Variants in SGK3 observed in about 807,000 individuals in gnomAD.
The protein encoded by SGK3 is serine/threonine-protein kinase Sgk3.
In SGK3, 47 loss-of-function variants were observed where a neutral mutation model predicts 68.5. The observed-to-expected ratio is 0.69, with a 90% CI of 0.54 to 0.87. The LOEUF is 0.87. SGK3 is among the 40% of genes least tolerant of loss of function. The pLI, the probability that SGK3 is intolerant of heterozygous loss-of-function variation, is 0.00. For missense variants in SGK3, 479 were observed against 575.5 expected (o/e 0.83, Z 1.72); for synonymous variants, 181 against 189.1 (o/e 0.96, Z 0.35).
intron 5 of SGK3, among the ~76,000 whole-genome samples, chr8:66,818,430 A>G (rs1808682564): frequency 6.6e-6 from 1 of 152,198 alleles, no homozygotes; most frequent in Non-Finnish European, 1.5e-5. Flanking sequence ...GCATCATAAC[A>G]AAGAGAAAAG....
intron 1 of SGK3, among the ~76,000 whole-genome samples, chr8:66,743,554 A>G (rs1026007113): frequency 6.6e-6 from 1 of 152,158 alleles, no homozygotes; most frequent in African/African-American, 2.4e-5. Flanking sequence ...TTTGAGATGG[A>G]GTTTTGCTCT....
At chr8:66,806,280 T>G (rs897279732) in intron 4 of SGK3, among the ~76,000 whole-genome samples, 2 of 152,200 alleles carry the variant, frequency 1.3e-5, no homozygotes, top group African/African-American at 4.8e-5. Flanking sequence ...TTTCTGAAGG[T>G]GCAGACTTAT....
chr8:66,758,913 G>A lies in SGK3; in HGVS notation c.-121-34703G>A, dbSNP rs1806067478. Among the ~76,000 whole-genome samples the A allele has an allele frequency of 3.9e-5, 6 of 152,136 alleles. No homozygotes were observed. In the South Asian group the frequency reaches 1.2e-3, roughly 32 times the overall value. ...GTACAGACATAACAGATTTACACCA[G>A]CTTAAAGCAACAAAAATTTATTCTG... On this transcript the variant is annotated intron_variant, in intron 1 of 16. Coordinates refer to ENST00000521198, the MANE Select transcript of SGK3 (RefSeq NM_001033578.3).
At chr8:66,850,718 T>C in intron 15 of SGK3, 113 bp from the exon 16 acceptor site, 4 of 962,118 alleles carry the variant, frequency 4.2e-6, no homozygotes, top group Non-Finnish European at 6.1e-6. Flanking sequence ...CACATGTTCC[T>C]AAAAAGAGTT....
At chr8:66,839,960 C>T in intron 10 of SGK3, 43 bp from the exon 11 acceptor site, 1 of 1,551,104 alleles carries the variant, frequency 6.4e-7, no homozygotes, top group Non-Finnish European at 8.9e-7. Flanking sequence ...TGTGAATGAT[C>T]CTAACATTCT....
In SGK3 at chr8:66,767,665, A is replaced by C. The variant is rs138533416; in HGVS notation, c.-121-25951A>C. 4.1e-4 allele frequency: 574 copies of C among 1,397,576 alleles called. 11 individuals are homozygous for C. The East Asian group carries it at 0.013, about 32-fold the overall frequency. 86.6% of individuals were successfully genotyped at this position (1,397,576 alleles called of 1,614,324 possible). ...AGGATTGAAGGGAAATAATTTTTCT[A>C]TTTCTGGATAGCCATCATCTGAGGC... On this transcript the variant is annotated intron_variant, in intron 1 of 16. Transcript: ENST00000521198.
intron 16 of SGK3, among the ~76,000 whole-genome samples, chr8:66,852,266 C>G (rs1434828995): frequency 7.0e-6 from 1 of 142,790 alleles, no homozygotes; most frequent in East Asian, 2.1e-4. Flanking sequence ...TGCTGCAAAA[C>G]TTAAGGAATC....
At chr8:66,839,558 T>TATA (rs57094416) in intron 10 of SGK3, among the ~76,000 whole-genome samples, 2 of 98,120 alleles carry the variant, frequency 2.0e-5, no homozygotes, top group Non-Finnish European at 3.8e-5. Flanking sequence ...TATATATATA[T>TATA]TTTCATATGG....
rs1240849789 is a variant in SGK3, at chr8:66,712,822, C to T, written c.-133C>T. On this transcript the variant is annotated 5_prime_UTR_variant, in exon 1 of 17. Coordinates refer to ENST00000521198, the MANE Select transcript of SGK3 (RefSeq NM_001033578.3). The stretch of plus-strand genomic sequence containing the variant: ...CGCGCCCGCCGCGCCGGGAGCAGCA[C>T]CGCGGGGCCAGGTAGGTGCGGGGCC... 2 of 151,412 alleles carry T rather than the reference C, an allele frequency of 1.3e-5. No individual in the cohort carries two copies. Among genetic ancestry groups the T allele is most frequent in the East Asian group, 3.9e-4 (2 of 5,162 alleles). The allele number at this position is 151,412 out of a possible 1,614,324, so 9.4% of individuals were successfully genotyped here.
At position 66,814,796 on chromosome 8, in the gene SGK3, A is replaced by G. The variant is rs752568664; in HGVS notation, c.329+868A>G. Among the ~76,000 whole-genome samples, 6 of 152,340 alleles carry G rather than the reference A, an allele frequency of 3.9e-5. No individual in the cohort carries two copies. The East Asian group carries it at 9.6e-4, about 24-fold the overall frequency. ...CCCAGCTAGGAAGATAGAGGGTTGT[A>G]TCAGAAATACCTACAAAAACATTGG... On this transcript the variant is annotated intron_variant, in intron 5 of 16. Transcript: ENST00000521198.
chr8:66,781,642 G>A (rs1246623527), intron 1 of SGK3, among the ~76,000 whole-genome samples: 1 of 152,158 alleles, frequency 6.6e-6, no homozygotes, highest in Non-Finnish European at 1.5e-5. Context: ...TTTAGTTGAG[G>A]TTCTTGGACA....
At chr8:66,824,585 A>G (rs1469448616) in intron 6 of SGK3, among the ~76,000 whole-genome samples, 2 of 152,216 alleles carry the variant, frequency 1.3e-5, no homozygotes, top group Non-Finnish European at 2.9e-5. Context: ...AGTACATATC[A>G]AATATAAAAA....
intron 1 of SGK3, among the ~76,000 whole-genome samples, chr8:66,738,521 G>C (rs981406511): frequency 6.6e-6 from 1 of 152,136 alleles, no homozygotes; most frequent in African/African-American, 2.4e-5. Flanking sequence ...CCGGCTATCA[G>C]CTCCAACAAT....
chr8:66,729,489 T>C (rs1805080919), intron 1 of SGK3, among the ~76,000 whole-genome samples: 1 of 152,068 alleles, frequency 6.6e-6, no homozygotes, highest in Admixed American at 6.6e-5. Context: ...AAAATCCTGT[T>C]GTATGAATAT....
intron 2 of SGK3, 72 bp from the exon 3 acceptor site, chr8:66,798,470 C>A (rs1807792368): frequency 7.6e-7 from 1 of 1,318,780 alleles, no homozygotes; most frequent in Non-Finnish European, 1.0e-6. Flanking sequence ...AAACAGGTTT[C>A]ATGTATTTAA....
chr8:66,814,078 C>G (rs1808486431), intron 5 of SGK3, 150 bp downstream of exon 5: 1 of 505,670 alleles, frequency 2.0e-6, no homozygotes, highest in Non-Finnish European at 3.2e-6. Context: ...CCCTGATACT[C>G]TTTCTCCCCT....
intron 4 of SGK3, among the ~76,000 whole-genome samples, chr8:66,806,784 A>G (rs935354210): frequency 2.0e-5 from 3 of 151,136 alleles, no homozygotes; most frequent in Admixed American, 1.3e-4. Flanking sequence ...ATTGCACTCC[A>G]GCCTGGGCAA....
chr8:66,830,571 C>T (rs1809263219), intron 7 of SGK3, among the ~76,000 whole-genome samples: 1 of 152,210 alleles, frequency 6.6e-6, no homozygotes, highest in Non-Finnish European at 1.5e-5. Context: ...CCCCTTTCTG[C>T]TGCCGTGTGT....
Position 66,765,689 on chromosome 8 carries a change from T to C in SGK3, c.-121-27927T>C, listed in dbSNP as rs534670259. 1.6e-4 allele frequency among the ~76,000 whole-genome samples: 24 copies of C among 152,016 alleles called. No individual in the cohort carries two copies. The East Asian group carries it at 4.4e-3, about 28-fold the overall frequency. ...TCTAATTTTCCTTTCAATTTCTTCT[T>C]TGACCCATGGGTTATTAGGGCTGTA... On this transcript the variant is annotated intron_variant, in intron 1 of 16. Transcript: ENST00000521198.
Sources: gnomAD v4.1 joint callset for allele counts (sites outside exome capture counted in the v4.1 genomes callset) on GRCh38, gnomAD v4.1.1 for gene constraint, MANE v1.5 for transcripts, NCBI Gene and HGNC (gene_info 2026-07-23, HGNC 2026-07-21) for gene names.